Variants in TOP3B observed in about 807,000 individuals in gnomAD.
TOP3B encodes DNA topoisomerase 3-beta-1.
In TOP3B, 45 loss-of-function variants were observed where a neutral mutation model predicts 93.9. The observed-to-expected ratio is 0.48, with a 90% CI of 0.38 to 0.61. The LOEUF is 0.61. TOP3B is among the 20% of genes least tolerant of loss of function. The probability of loss-of-function intolerance (pLI) is 0.00; values close to 1 mark genes in which losing one functional copy is unlikely to be tolerated. For synonymous variants in TOP3B, 357 were observed against 472.6 expected (o/e 0.76, Z 3.17); for missense variants, 750 against 1,156.1 (o/e 0.65, Z 5.09).
intron 17 of TOP3B, chr22:21,958,011 A>G (rs867115): frequency 0.029 from 36,097 of 1,233,480 alleles, 1,874 homozygotes; most frequent in African/African-American, 0.1. Context: ...GGCCTGAGGG[A>G]GCTTTCTGCA....
intron 3 of TOP3B, chr22:21,973,130 C>T: frequency 3.5e-6 from 1 of 283,094 alleles, no homozygotes; most frequent in Non-Finnish European, 6.9e-6. Flanking sequence ...CTTTGTCCTT[C>T]CACCCAGCAC....
chr22:21,960,242 G>A (rs887968786), intron 14 of TOP3B, 79 bp downstream of exon 14: 2 of 1,597,602 alleles, frequency 1.3e-6, no homozygotes, highest in Non-Finnish European at 8.5e-7. Flanking sequence ...GGGCCTGTCT[G>A]GAGCGGGCAG....
In TOP3B at chr22:21,980,264, G is replaced by A. The variant is rs146389462; in HGVS notation, c.-99+2466C>T. On this transcript the variant is annotated intron_variant, in intron 1 of 17. Transcript: ENST00000357179. ...GTGCCTCCTCACCACATTCCCTTTT[G>A]CACCTTTTACATTTAGCGCCTGGAC... is the stretch of plus-strand genomic sequence containing the variant. Among the ~76,000 whole-genome samples, 20 of 152,282 alleles carry A rather than the reference G, an allele frequency of 1.3e-4. No homozygotes were observed. In the East Asian group the frequency reaches 3.9e-3, roughly 29 times the overall value.
At chr22:21,980,599 T>C (rs1321235499) in intron 1 of TOP3B, among the ~76,000 whole-genome samples, 1 of 152,224 alleles carries the variant, frequency 6.6e-6, no homozygotes, top group Non-Finnish European at 1.5e-5. Context: ...CCCTTAAATG[T>C]ACAACCATCC....
chr22:21,980,156 C>T (rs1049033505), intron 1 of TOP3B, among the ~76,000 whole-genome samples: 3 of 152,072 alleles, frequency 2.0e-5, no homozygotes, highest in Non-Finnish European at 2.9e-5. Context: ...TATGAAGAGG[C>T]GATATGTCTG....
rs778668518 is a variant in TOP3B at position 21,971,573 on chromosome 22, C to T, written c.384+304G>A. ...ACGCTGGGCACAAGATGCTGAACAC[C>T]AAGCTGCCCCAAGACAATCCCATTC... On this transcript the variant is annotated intron_variant, in intron 5 of 17. Transcript: ENST00000357179. This position sits in a 1 kb window ranked among gnomAD's most constrained non-coding sequence, Gnocchi z 4.6. 2.3e-6 allele frequency: 1 copy of T among 427,086 alleles called. No homozygotes were observed. Among genetic ancestry groups the T allele is most frequent in the Non-Finnish European group, 4.4e-6 (1 of 227,098 alleles). The allele number at this position is 427,086 out of a possible 1,614,324, so 26.5% of individuals were successfully genotyped here. A position where few individuals can be genotyped will look rare whatever the true frequency, so the allele number is the denominator to read the frequency against.
At chr22:21,964,903 G>C (rs903254214) in intron 9 of TOP3B, 2 of 179,498 alleles carry the variant, frequency 1.1e-5, no homozygotes, top group African/African-American at 4.7e-5. Flanking sequence ...TCCCTGCGGG[G>C]GTGGGGGGCA....
chr22:21,980,807 G>C (rs1280760209), intron 1 of TOP3B, among the ~76,000 whole-genome samples: 1 of 152,170 alleles, frequency 6.6e-6, no homozygotes, highest in Non-Finnish European at 1.5e-5. Flanking sequence ...CCCTCCTGAA[G>C]ACTGCATCTG....
chr22:21,970,487 C>T lies in TOP3B; in HGVS notation c.385-81G>A. 6.7e-7 allele frequency: 1 copy of T among 1,483,268 alleles called. No individual in the cohort carries two copies. The highest frequency in any genetic ancestry group is 9.2e-7 in the Non-Finnish European group (1 of 1,087,736). 91.9% of individuals were successfully genotyped at this position (1,483,268 alleles called of 1,614,324 possible). On this transcript the variant is annotated intron_variant, in intron 5 of 17. Transcript: ENST00000357179. This position sits in a 1 kb window ranked among gnomAD's most constrained non-coding sequence, Gnocchi z 4.4. ...CCCACCCCACTGTGAAGCCTGGTTCCTTCCAGGAAAGAACACGTGTGCTCG... is the reference window on the plus strand; with the variant it reads ...CCCACCCCACTGTGAAGCCTGGTTCTTTCCAGGAAAGAACACGTGTGCTCG...
rs769596237 is a variant in TOP3B, at chr22:21,971,888, T to C, written c.373A>G (p.Ile125Val). The C allele has an allele frequency of 1.2e-6, 2 of 1,613,950 alleles. No homozygotes were observed. Among genetic ancestry groups the C allele is most frequent in the Admixed American group, 1.7e-5 (1 of 60,000 alleles). ...WLDCDKEGEN[I>V]CFEVLDAVLP... ...AGCCTCACACTCACCTCAAAGCAGATGTTCTCCCCCTCCTTGTCGCAGTCC... is the reference window on the plus strand; with the variant it reads ...AGCCTCACACTCACCTCAAAGCAGACGTTCTCCCCCTCCTTGTCGCAGTCC... Residue 125 changes from isoleucine to valine, a missense_variant, in exon 5 of 18, where the codon ATC becomes GTC. By Grantham distance (29) the Ile-to-Val change is conservative. This residue lies in a region of TOP3B where 737 missense variants were observed against 933.7 expected (regional missense o/e 0.79). Transcript: ENST00000357179. The surrounding 1 kb of genome is among the most constrained non-coding windows in gnomAD (Gnocchi z 4.6).
intron 3 of TOP3B, 98 bp from the exon 4 acceptor site, chr22:21,972,816 G>A: frequency 1.0e-6 from 1 of 989,738 alleles, no homozygotes. Flanking sequence ...AAATGAGGAG[G>A]GGAAAGCTTG....
At chr22:21,960,741 T>A in intron 13 of TOP3B, 1 of 391,374 alleles carries the variant, frequency 2.6e-6, no homozygotes, top group Non-Finnish European at 4.8e-6. Flanking sequence ...AAGGTCACAG[T>A]GCTTATTCTG....
Position 21,967,664 on chromosome 22 carries a change from A to G in TOP3B, c.791T>C (p.Val264Ala), listed in dbSNP as rs762120111. 3.7e-6 allele frequency: 6 copies of G among 1,614,022 alleles called. No homozygotes were observed. In the East Asian group the frequency reaches 1.1e-4, roughly 30 times the overall value. Reference sequence around the variant, plus strand: ...CATCTGTGCGATCTCCCGGTCAAACACTCTTACTCGGTCCCAGTCCAAAAG... The same window carrying G: ...CATCTGTGCGATCTCCCGGTCAAACGCTCTTACTCGGTCCCAGTCCAAAAG... ...SLLLDWDRVR[V>A]FDREIAQMFL... The change falls in exon 8 of 18, where the codon GTG becomes GCG. Residue 264 changes from valine (V) to alanine (A), a missense_variant. Val to Ala is a moderately conservative substitution (Grantham distance 64). Coordinates refer to ENST00000357179, the MANE Select transcript of TOP3B (RefSeq NM_001282112.2).
chr22:21,960,580 C>T (rs925218670), intron 13 of TOP3B, 131 bp from the exon 14 acceptor site: 236 of 1,313,846 alleles, frequency 1.8e-4, no homozygotes, highest in Non-Finnish European at 2.3e-4. Flanking sequence ...GGAGGGAGGG[C>T]TGTGCCCTGA....
intron 7 of TOP3B, 159 bp downstream of exon 7, chr22:21,968,460 G>T: frequency 1.3e-6 from 1 of 799,270 alleles, no homozygotes; most frequent in East Asian, 2.6e-5. Flanking sequence ...CATGAAGGCT[G>T]GGGTCCCTCA....
rs959997862 is a variant in TOP3B at position 21,979,670 on chromosome 22, G to A, written c.-99+3060C>T. The stretch of plus-strand genomic sequence containing the variant: ...AGCATGGCATTCTCTGGCCGGGCGC[G>A]GTGGCTCACGCCTGTAATCCCAGCA... On this transcript the variant is annotated intron_variant, in intron 1 of 17. Transcript: ENST00000357179. Among the ~76,000 whole-genome samples, 10 of 150,562 alleles carry A rather than the reference G, an allele frequency of 6.6e-5. No individual in the cohort carries two copies. The South Asian group carries it at 1.1e-3, about 16-fold the overall frequency.
In TOP3B at chr22:21,973,151, C is replaced by A. The variant is rs1236286436; in HGVS notation, c.203-433G>T. The A allele has an allele frequency of 2.4e-5, 6 of 248,036 alleles. No homozygotes were observed. The Admixed American group carries it at 3.1e-4, about 13-fold the overall frequency. The allele number at this position is 248,036 out of a possible 1,614,324, so 15.4% of individuals were successfully genotyped here. A position where few individuals can be genotyped will look rare whatever the true frequency, so the allele number is the denominator to read the frequency against. ...CCTTCCACCCAGCACTCTGTGGGGG[C>A]ACACATGTGTGCAGTCGTTCCTGTT... On this transcript the variant is annotated intron_variant, in intron 3 of 17. Coordinates refer to ENST00000357179, the MANE Select transcript of TOP3B (RefSeq NM_001282112.2).
intron 13 of TOP3B, chr22:21,961,758 G>C (rs887071047): frequency 6.3e-6 from 1 of 158,298 alleles, no homozygotes; most frequent in East Asian, 1.9e-4. Context: ...GCCAGGGGTA[G>C]TGCCCCAGGG....
At position 21,967,716 on chromosome 22, in the gene TOP3B, C is replaced by A; in HGVS notation, c.739G>T (p.Val247Phe). ...AGAGATCTGTCTTTGTCAGTGTTAA[C>A]CTGCAGGAAAAAGGATAAAGGGTGA... The part of the protein sequence containing the change: ...PETYWVLQAK[V>F]NTDKDRSLLL... The change falls in exon 8 of 18, where the codon GTT becomes TTT. Residue 247 changes from valine to phenylalanine, a missense_variant and splice_region_variant. Val to Phe is a conservative substitution (Grantham distance 50). Around this residue, in one of 4 missense-constraint regions of TOP3B, gnomAD observed 737 missense variants for 933.7 expected, o/e 0.79. Coordinates refer to ENST00000357179, the MANE Select transcript of TOP3B (RefSeq NM_001282112.2). The A allele has an allele frequency of 6.2e-7, 1 of 1,612,498 alleles. No homozygotes were observed. The highest frequency in any genetic ancestry group is 8.5e-7 in the Non-Finnish European group (1 of 1,178,692).
Sources: allele counts gnomAD v4.1 joint callset (sites outside exome capture counted in the v4.1 genomes callset), GRCh38; gene constraint gnomAD v4.1.1; regional missense constraint gnomAD v4.1.1; non-coding constraint Gnocchi (gnomAD v3.1); transcripts MANE v1.5; gene names NCBI Gene and HGNC (gene_info 2026-07-23, HGNC 2026-07-21).